The following RCAN1 variants were observed in gnomAD, a reference collection of about 807,000 sequenced individuals.
RCAN1 encodes the protein regulator of calcineurin 1.
In RCAN1, 11 loss-of-function variants were observed where a neutral mutation model predicts 22.9. That is an observed-to-expected ratio of 0.48 (90% CI 0.30 to 0.79). The LOEUF is 0.79. Ranked by LOEUF, RCAN1 falls within the 30% of genes least tolerant of loss-of-function variation. The probability of loss-of-function intolerance (pLI) is 0.06; values close to 1 mark genes in which losing one functional copy is unlikely to be tolerated. For synonymous variants in RCAN1, 136 were observed against 142.3 expected (o/e 0.96, Z 0.32); for missense variants, 291 against 337.8 (o/e 0.86, Z 1.09).
At chr21:34,529,892 T>C (rs1453217175) in intron 1 of RCAN1, among the ~76,000 whole-genome samples, 2 of 152,212 alleles carry the variant, frequency 1.3e-5, no homozygotes, top group African/African-American at 4.8e-5. Context: ...TGATAGTGAA[T>C]AAGTCTCACG....
At chr21:34,582,522 A>G (rs1391521287) in intron 1 of RCAN1, among the ~76,000 whole-genome samples, 1 of 152,080 alleles carries the variant, frequency 6.6e-6, no homozygotes, top group Non-Finnish European at 1.5e-5. Flanking sequence ...GGCTTTGAGG[A>G]AGGGACCACA....
chr21:34,598,021 G>A (rs1160289559), intron 1 of RCAN1, among the ~76,000 whole-genome samples: 1 of 152,144 alleles, frequency 6.6e-6, no homozygotes, highest in Non-Finnish European at 1.5e-5. Context: ...CTTCCACCCT[G>A]TACTGAGTAG....
chr21:34,610,135 A>G lies in RCAN1; in HGVS notation c.252+4625T>C, dbSNP rs189024351. Among the ~76,000 whole-genome samples, 3 of 152,354 alleles carry G rather than the reference A, an allele frequency of 2.0e-5. No homozygotes were observed. The East Asian group carries it at 5.8e-4, about 29-fold the overall frequency. ...CTGCTAGGATGTCACATTTTACAAT[A>G]TGCTACAACAGACTGGCTTGGAAGA... On this transcript the variant is annotated intron_variant, in intron 1 of 3. Coordinates refer to ENST00000313806, the MANE Select transcript of RCAN1 (RefSeq NM_004414.7).
intron 1 of RCAN1, among the ~76,000 whole-genome samples, chr21:34,594,198 A>G (rs567717510): frequency 3.9e-5 from 6 of 152,300 alleles, no homozygotes; most frequent in Admixed American, 3.3e-4. Context: ...GTAAACAAGC[A>G]CATGGAAATA....
intron 1 of RCAN1, among the ~76,000 whole-genome samples, chr21:34,597,160 C>G (rs903639332): frequency 2.0e-5 from 3 of 152,128 alleles, no homozygotes; most frequent in Admixed American, 1.3e-4. Flanking sequence ...ACCCGTGCAG[C>G]CCAGTTCTGC....
intron 1 of RCAN1, among the ~76,000 whole-genome samples, chr21:34,538,156 A>G (rs1380501170): frequency 2.0e-5 from 3 of 152,282 alleles, no homozygotes; most frequent in Non-Finnish European, 4.4e-5. Context: ...TTTGTCAGGA[A>G]TGGCATTCGA....
At chr21:34,538,698 G>A (rs964931232) in intron 1 of RCAN1, among the ~76,000 whole-genome samples, 22 of 152,308 alleles carry the variant, frequency 1.4e-4, no homozygotes, top group African/African-American at 5.3e-4. Context: ...ATCGGAGCAG[G>A]AGGACCGGGC....
At chr21:34,598,621 G>C (rs767291809) in intron 1 of RCAN1, among the ~76,000 whole-genome samples, 3 of 152,132 alleles carry the variant, frequency 2.0e-5, no homozygotes, top group Non-Finnish European at 4.4e-5. Flanking sequence ...CTTGGCCTAG[G>C]TATGAAACAA....
At chr21:34,566,036 C>G (rs1373303098) in intron 1 of RCAN1, among the ~76,000 whole-genome samples, 1 of 152,148 alleles carries the variant, frequency 6.6e-6, no homozygotes, top group East Asian at 1.9e-4. Context: ...TACTACACAA[C>G]AGTACAGCAG....
At chr21:34,542,498 T>C (rs1601156085) in intron 1 of RCAN1, among the ~76,000 whole-genome samples, 1 of 152,230 alleles carries the variant, frequency 6.6e-6, no homozygotes, top group Admixed American at 6.5e-5. Context: ...TGGCAGCTGG[T>C]ATTTTTGCCA....
chr21:34,576,055 G>A (rs941009118), intron 1 of RCAN1, among the ~76,000 whole-genome samples: 3 of 152,116 alleles, frequency 2.0e-5, no homozygotes, highest in South Asian at 4.1e-4. Context: ...CTATAATATG[G>A]TGACTGGAGG....
chr21:34,557,493 A>G lies in RCAN1; in HGVS notation c.253-33783T>C, dbSNP rs143652560. On this transcript the variant is annotated intron_variant, in intron 1 of 3. Coordinates refer to ENST00000313806, the MANE Select transcript of RCAN1 (RefSeq NM_004414.7). ...GGAATGAGTCAAAGGGAAGGCTAGAAAGACAGTCCAACCCAACACCCTGAG... is the reference window on the plus strand; with the variant it reads ...GGAATGAGTCAAAGGGAAGGCTAGAGAGACAGTCCAACCCAACACCCTGAG... Among the ~76,000 whole-genome samples, 653 of 152,326 alleles carry G rather than the reference A, an allele frequency of 4.3e-3. 3 individuals carry two copies. The highest frequency in any genetic ancestry group is 0.015 in the African/African-American group (626 of 41,572).
At chr21:34,602,996 G>A (rs1376388862) in intron 1 of RCAN1, among the ~76,000 whole-genome samples, 1 of 152,146 alleles carries the variant, frequency 6.6e-6, no homozygotes, top group East Asian at 1.9e-4. Context: ...GCAGGGAATA[G>A]GTCCACTCAG....
At chr21:34,554,837 T>C (rs536843343) in intron 1 of RCAN1, among the ~76,000 whole-genome samples, 1 of 152,310 alleles carries the variant, frequency 6.6e-6, no homozygotes, top group East Asian at 1.9e-4. Flanking sequence ...GCAAGTCACA[T>C]CTTACATGGA....
At chr21:34,603,444 C>T (rs1430528703) in intron 1 of RCAN1, among the ~76,000 whole-genome samples, 1 of 152,106 alleles carries the variant, frequency 6.6e-6, no homozygotes, top group African/African-American at 2.4e-5. Flanking sequence ...GAACATTATT[C>T]GTTGGAGAAT....
At chr21:34,599,785 C>A (rs1286426997) in intron 1 of RCAN1, among the ~76,000 whole-genome samples, 1 of 152,132 alleles carries the variant, frequency 6.6e-6, no homozygotes, top group Admixed American at 6.5e-5. Flanking sequence ...ATAAAAAAAT[C>A]ATCTAACGAA....
At chr21:34,573,053 T>C (rs1285063078) in intron 1 of RCAN1, among the ~76,000 whole-genome samples, 3 of 152,172 alleles carry the variant, frequency 2.0e-5, no homozygotes, top group East Asian at 3.8e-4. Context: ...TTATCTGGAC[T>C]CTCCTCCTAG....
chr21:34,593,385 A>T (rs565321781), intron 1 of RCAN1, among the ~76,000 whole-genome samples: 3 of 152,356 alleles, frequency 2.0e-5, no homozygotes, highest in East Asian at 3.9e-4. Flanking sequence ...ATCCTCCTCC[A>T]ACCTTCTCAA....
At chr21:34,611,320 T>C (rs955975412) in intron 1 of RCAN1, among the ~76,000 whole-genome samples, 4 of 152,236 alleles carry the variant, frequency 2.6e-5, no homozygotes, top group African/African-American at 9.6e-5. Context: ...CATATTTTAA[T>C]AAAAGTTTTC....
Sources: gnomAD v4.1 joint callset for allele counts (sites outside exome capture counted in the v4.1 genomes callset) on GRCh38, gnomAD v4.1.1 for gene constraint, MANE v1.5 for transcripts, NCBI Gene and HGNC (gene_info 2026-07-23, HGNC 2026-07-21) for gene names.